Variants in TLE2 observed in about 807,000 individuals in gnomAD.
TLE2 encodes transducin-like enhancer protein 2.
In TLE2, 74 loss-of-function variants were observed where a neutral mutation model predicts 97.2. The observed-to-expected ratio is 0.76, with a 90% CI of 0.63 to 0.92. The LOEUF is 0.92. TLE2 is among the 40% of genes least tolerant of loss of function. The pLI, the probability that TLE2 is intolerant of heterozygous loss-of-function variation, is 0.00. For missense variants in TLE2, 1,038 were observed against 1,008.7 expected, an observed-to-expected ratio of 1.03 and a Z score of -0.39; for synonymous variants, 499 against 432.1, an observed-to-expected ratio of 1.15 and a Z score of -1.92.
At position 3,001,884 on chromosome 19, in the gene TLE2, A is replaced by G. The variant is rs1599193377; in HGVS notation, c.2047+469T>C. Among the ~76,000 whole-genome samples the G allele has an allele frequency of 3.0e-5, 4 of 131,312 alleles. No homozygotes were observed. The Admixed American group carries it at 3.6e-4, about 12-fold the overall frequency. 86.1% of individuals were successfully genotyped at this position (131,312 alleles called of 152,430 possible). A position where few individuals can be genotyped will look rare whatever the true frequency, so the allele number is the denominator to read the frequency against. On this transcript the variant is annotated intron_variant, in intron 18 of 19. Transcript: ENST00000262953. ...ATGATCTTGGCTCACTGCGACCTCC[A>G]CCTCCCGGGTTCAGGCAATTCTCCT...
At position 3,035,863 on chromosome 19, in the gene TLE2, C is replaced by G. The variant is rs572491798; in HGVS notation, c.64-7060G>C. On this transcript the variant is annotated intron_variant, in intron 1 of 18. Transcript: ENST00000426948. The stretch of plus-strand genomic sequence containing the variant: ...AGAATCTGAGACCCTAGTGGACGCC[C>G]GAGCTCGACCGGATTGGAGGAGGGG... Among the ~76,000 whole-genome samples, 23 of 151,778 alleles carry G rather than the reference C, an allele frequency of 1.5e-4. No homozygotes were observed. The South Asian group carries it at 4.6e-3, about 30-fold the overall frequency.
chr19:3,036,150 G>T (rs561943924), intron 1 of TLE2, among the ~76,000 whole-genome samples: 16 of 152,256 alleles, frequency 1.1e-4, no homozygotes, highest in Admixed American at 6.5e-4. Context: ...ACCCCCAGGT[G>T]GGGGGGATGG....
chr19:3,009,802 G>C, intron 12 of TLE2, 100 bp from the exon 13 acceptor site: 1 of 1,444,554 alleles, frequency 6.9e-7, no homozygotes, highest in South Asian at 1.4e-5. Context: ...GAGTTTCCAT[G>C]TGCTGGTTCC....
intron 14 of TLE2, among the ~76,000 whole-genome samples, chr19:3,007,432 T>C (rs574199311): frequency 8.6e-4 from 131 of 152,152 alleles, no homozygotes; most frequent in Non-Finnish European, 1.3e-3. Context: ...TATTATTTTG[T>C]AGAGATGAGG....
chr19:3,003,224 G>T (rs553152637), intron 17 of TLE2, among the ~76,000 whole-genome samples: 1 of 152,182 alleles, frequency 6.6e-6, no homozygotes, highest in Non-Finnish European at 1.5e-5. Context: ...ACAGGGAGGA[G>T]GGAGAGAGGA....
intron 14 of TLE2, among the ~76,000 whole-genome samples, chr19:3,008,044 C>T (rs937893340): frequency 2.0e-5 from 3 of 152,112 alleles, no homozygotes; most frequent in Non-Finnish European, 4.4e-5. Flanking sequence ...ATCTCACCAC[C>T]GTACTCCAGC....
Position 3,006,411 on chromosome 19 carries a change from C to G in TLE2, c.1500+9G>C. The G allele has an allele frequency of 1.2e-6, 2 of 1,608,618 alleles. No homozygotes were observed. The highest frequency in any genetic ancestry group is 1.3e-5 in the African/African-American group (1 of 74,956). Reference sequence around the variant, plus strand: ...GTGAGTCCCGCCCACTGTCCCACCCCGCCCTCACCAGGCAGTCGAGCTGGG... The same window carrying G: ...GTGAGTCCCGCCCACTGTCCCACCCGGCCCTCACCAGGCAGTCGAGCTGGG... On this transcript the variant is annotated intron_variant, in intron 15 of 19. Transcript: ENST00000262953.
At chr19:3,022,654 T>G (rs1255577238) in intron 5 of TLE2, among the ~76,000 whole-genome samples, 1 of 152,154 alleles carries the variant, frequency 6.6e-6, no homozygotes, top group Non-Finnish European at 1.5e-5. Context: ...AGTAGTATAT[T>G]CCACTGTATG....
chr19:3,025,056 A>G lies in TLE2; in HGVS notation c.258T>C (p.Gly86=), dbSNP rs1383085651. ...KQAEIVKRLS[G]ICAQIIPFLT... ...GGAAGGGGATAATCTGAGCGCAGAT[A>G]CCGCTCAGACGCTTCACAATCTCCG... Residue 86 remains glycine (G), a synonymous_variant, in exon 5 of 20, where the codon GGT becomes GGC. Coordinates refer to ENST00000262953, the MANE Select transcript of TLE2 (RefSeq NM_003260.5). 5 of 1,605,406 alleles carry G rather than the reference A, an allele frequency of 3.1e-6. No homozygotes were observed.
At chr19:3,042,217 G>C (rs1199709190) in intron 1 of TLE2, among the ~76,000 whole-genome samples, 1 of 139,424 alleles carries the variant, frequency 7.2e-6, no homozygotes, top group Non-Finnish European at 1.6e-5. Context: ...GGCGGCAAAG[G>C]GGAGGGGAGG....
At chr19:3,033,042 T>C (rs1411689424), upstream of TLE2, among the ~76,000 whole-genome samples, 1 of 151,904 alleles carries the variant, frequency 6.6e-6, no homozygotes, top group East Asian at 1.9e-4. Context: ...CAAGCGATTC[T>C]CTTGCCTCAG....
At chr19:3,035,167 T>C (rs909861683) in intron 1 of TLE2, among the ~76,000 whole-genome samples, 10 of 152,106 alleles carry the variant, frequency 6.6e-5, no homozygotes, top group African/African-American at 2.4e-4. Flanking sequence ...GGCAGCAACA[T>C]CCCCAACTTT....
In TLE2 at chr19:3,000,534, G is replaced by A. The variant is rs796744151; in HGVS notation, c.2124+113C>T. 6.2e-5 allele frequency: 58 copies of A among 941,932 alleles called. No homozygotes were observed. In the African/African-American group the frequency reaches 8.6e-4, roughly 14 times the overall value. 58.3% of individuals were successfully genotyped at this position (941,932 alleles called of 1,614,324 possible). On this transcript the variant is annotated intron_variant, in intron 19 of 19. Transcript: ENST00000262953. ...GAGGCTTGCAGGACCCTGAGGAGGG[G>A]TTAGGGTGGCGGGGGGACCTGGGGG... is the stretch of plus-strand genomic sequence containing the variant.
chr19:3,023,370 G>A lies in TLE2; in HGVS notation c.294+1650C>T, dbSNP rs150822935. Among the ~76,000 whole-genome samples, 309 of 152,058 alleles carry A rather than the reference G, an allele frequency of 2.0e-3. 2 individuals carry two copies. The highest frequency in any genetic ancestry group is 7.2e-3 in the African/African-American group (300 of 41,478). ...TTCTTGCGGCTCTTGCCTTTCTCTA[G>A]ACCACCTCGTCCCCACTTTCCGCTG... On this transcript the variant is annotated intron_variant, in intron 5 of 19. Transcript: ENST00000262953.
Position 3,025,073 on chromosome 19 carries a change from C to A in TLE2, c.241G>T (p.Val81Leu). 2 of 1,604,548 alleles carry A rather than the reference C, an allele frequency of 1.2e-6. No homozygotes were observed. Among genetic ancestry groups the A allele is most frequent in the East Asian group, 2.2e-5 (1 of 44,518 alleles). ...GCGCAGATACCGCTCAGACGCTTCA[C>A]AATCTCCGCCTGGCAGGAAGCAATG... ...NIEMHKQAEI[V>L]KRLSGICAQI... The change falls in exon 5 of 20, where the codon GTG becomes TTG. Residue 81 changes from valine (V) to leucine (L), a missense_variant. Val to Leu is a conservative substitution (Grantham distance 32, BLOSUM62 1). Transcript: ENST00000262953.
At chr19:3,012,315 G>T (rs376196425) in intron 11 of TLE2, among the ~76,000 whole-genome samples, 1 of 152,020 alleles carries the variant, frequency 6.6e-6, no homozygotes, top group Non-Finnish European at 1.5e-5. Context: ...TCCCATGCTC[G>T]AGTGATCCTC....
At chr19:3,025,900 A>G (rs549137466) in intron 4 of TLE2, among the ~76,000 whole-genome samples, 5 of 151,502 alleles carry the variant, frequency 3.3e-5, no homozygotes, top group Admixed American at 2.6e-4. Flanking sequence ...AACCAACAGA[A>G]CCCCCACACA....
At chr19:3,027,415 G>C (rs2145208962) in intron 4 of TLE2, among the ~76,000 whole-genome samples, 1 of 152,278 alleles carries the variant, frequency 6.6e-6, no homozygotes, top group South Asian at 2.1e-4. Context: ...CAGAACCTGG[G>C]GTCCATCTCA....
At chr19:3,036,642 C>T (rs1357635118) in intron 1 of TLE2, among the ~76,000 whole-genome samples, 2 of 152,276 alleles carry the variant, frequency 1.3e-5, no homozygotes, top group African/African-American at 4.8e-5. Context: ...CACACATTTC[C>T]TTCCACCCAG....
Sources: gnomAD v4.1 joint callset for allele counts (sites outside exome capture counted in the v4.1 genomes callset) on GRCh38, gnomAD v4.1.1 for gene constraint, MANE v1.5 for transcripts, NCBI Gene and HGNC (gene_info 2026-07-23, HGNC 2026-07-21) for gene names.